Variants in FAM186B observed in about 807,000 individuals in gnomAD.
The protein encoded by FAM186B is family with sequence similarity 186 member B, also known as protein FAM186B.
In FAM186B, 68 loss-of-function variants were observed where a neutral mutation model predicts 83.4. The observed-to-expected ratio is 0.81, with a 90% CI of 0.67 to 1.00. The LOEUF (loss-of-function observed/expected upper bound fraction) is 1.00. FAM186B is among the 50% of genes least tolerant of loss of function. FAM186B has a pLI of 0.00. For missense variants in FAM186B, 983 were observed against 1,099.2 expected, an observed-to-expected ratio of 0.89 and a Z score of 1.49; for synonymous variants, 389 against 422.0, an observed-to-expected ratio of 0.92 and a Z score of 0.96.
intron 1 of FAM186B, among the ~76,000 whole-genome samples, chr12:49,604,907 A>C (rs1004922785): frequency 6.6e-6 from 1 of 152,152 alleles, no homozygotes; most frequent in African/African-American, 2.4e-5. Flanking sequence ...CAGGCAACAG[A>C]AGCTTGGAAA....
intron 5 of FAM186B, among the ~76,000 whole-genome samples, chr12:49,597,929 G>A (rs913188284): frequency 5.3e-5 from 8 of 152,060 alleles, no homozygotes; most frequent in African/African-American, 1.7e-4. Flanking sequence ...GTGTGGTGGT[G>A]GGTACCTATA....
chr12:49,586,186 G>C (rs1351882425), downstream of FAM186B, among the ~76,000 whole-genome samples: 1 of 152,182 alleles, frequency 6.6e-6, no homozygotes, highest in African/African-American at 2.4e-5. Context: ...TGTCTTTGCT[G>C]GGAACAATAT....
chr12:49,619,326 C>T, the FAM186B span: 1 of 345,160 alleles, frequency 2.9e-6, no homozygotes, highest in African/African-American at 2.2e-5. Flanking sequence ...ATTATTCAAG[C>T]AATCACTGTG....
chr12:49,582,912 A>C (rs1401572335), downstream of FAM186B: 2 of 412,580 alleles, frequency 4.8e-6, no homozygotes, highest in African/African-American at 4.1e-5. Context: ...TTGTCTTCCA[A>C]CCCTCTTGGC....
chr12:49,588,341 G>A lies in FAM186B; in HGVS notation c.2534+113C>T, dbSNP rs1196022115. On this transcript the variant is annotated intron_variant, in intron 6 of 6. Transcript: ENST00000257894. ...ACAGGCACTTTGCAACTCGTAGGGTGATATTGGCCTGTTGGTGCCCTCACT... is the reference window on the plus strand; with the variant it reads ...ACAGGCACTTTGCAACTCGTAGGGTAATATTGGCCTGTTGGTGCCCTCACT... 33 of 1,306,494 alleles carry A rather than the reference G, an allele frequency of 2.5e-5. No homozygotes were observed. In the South Asian group the frequency reaches 3.8e-4, roughly 15 times the overall value. 80.9% of individuals were successfully genotyped at this position (1,306,494 alleles called of 1,614,324 possible).
Position 49,598,742 on chromosome 12 carries a change from G to A in FAM186B, c.2364+13C>T, listed in dbSNP as rs371375322. On this transcript the variant is annotated intron_variant, in intron 5 of 6. Coordinates refer to ENST00000257894, the MANE Select transcript of FAM186B (RefSeq NM_032130.3). Reference sequence around the variant, plus strand: ...GAGGCGGAGTGGCGGGGGGGTCAGGGCGGGAGGCCCACCTTGGGGAACATG... The same window carrying A: ...GAGGCGGAGTGGCGGGGGGGTCAGGACGGGAGGCCCACCTTGGGGAACATG... 1.9e-6 allele frequency: 3 copies of A among 1,572,146 alleles called. No homozygotes were observed. Among genetic ancestry groups the A allele is most frequent in the Non-Finnish European group, 2.6e-6 (3 of 1,162,496 alleles).
chr12:49,600,318 T>A lies in FAM186B; in HGVS notation c.1322A>T (p.Asp441Val). The change falls in exon 4 of 7, where the codon GAC (aspartate) becomes GTC (valine). Residue 441 changes from aspartate to valine, a missense_variant. Transcript: ENST00000257894. This position sits in a 1 kb window ranked among gnomAD's most constrained non-coding sequence, Gnocchi z 4.3. ...CTGGAAGTAGTCCTCCTGGTCTTTG[T>A]CTTTGTGGCCTAAGCTTTCTGCCAC... ...RPVAESLGHK[D>V]KDQEDYFQKG... is the part of the protein sequence containing the mutation. 6.2e-7 allele frequency: 1 copy of A among 1,614,168 alleles called. No individual in the cohort carries two copies. Among genetic ancestry groups the A allele is most frequent in the Non-Finnish European group, 8.5e-7 (1 of 1,180,026 alleles).
Position 49,587,540 on chromosome 12 carries a change from A to G in FAM186B, c.*65T>C, listed in dbSNP as rs1395422387. On this transcript the variant is annotated 3_prime_UTR_variant, in exon 7 of 7. Transcript: ENST00000257894. Reference sequence around the variant, plus strand: ...GAGAGAGATTTATTGGGGAGAATCCACATTGACCATCAGCCTCGCACCTTA... The same window carrying G: ...GAGAGAGATTTATTGGGGAGAATCCGCATTGACCATCAGCCTCGCACCTTA... 1 of 1,593,744 alleles carries G rather than the reference A, an allele frequency of 6.3e-7. No individual in the cohort carries two copies.
the FAM186B span, among the ~76,000 whole-genome samples, chr12:49,620,438 G>C: frequency 2.0e-5 from 3 of 152,018 alleles, no homozygotes; most frequent in Admixed American, 2.0e-4. Flanking sequence ...GAGAGGCCAA[G>C]GCAGGTGGAT....
At chr12:49,603,509 C>A in intron 2 of FAM186B, 142 bp from the exon 3 acceptor site, 1 of 748,302 alleles carries the variant, frequency 1.3e-6, no homozygotes, top group Admixed American at 2.7e-5. Context: ...GGGCAAGTCA[C>A]TTATCCCCCT....
chr12:49,600,456 A>G lies in FAM186B; in HGVS notation c.1184T>C (p.Met395Thr). 2 of 1,613,476 alleles carry G rather than the reference A, an allele frequency of 1.2e-6. No homozygotes were observed. Among genetic ancestry groups the G allele is most frequent in the Non-Finnish European group, 1.7e-6 (2 of 1,179,598 alleles). Residue 395 changes from methionine to threonine, a missense_variant, in exon 4 of 7, where the codon ATG becomes ACG. Transcript: ENST00000257894. The surrounding 1 kb of genome is among the most constrained non-coding windows in gnomAD (Gnocchi z 4.3). ...IAAGHQPLST[M>T]TVRSRVADVF... is the part of the protein sequence containing the mutation. The stretch of plus-strand genomic sequence containing the variant: ...ATCTGCGACCCTCGAGCGCACAGTC[A>G]TGGTGGAAAGTGGCTGGTGCCCTGC...
chr12:49,617,861 GA>G, the FAM186B span, among the ~76,000 whole-genome samples: 1 of 152,178 alleles, frequency 6.6e-6, no homozygotes, highest in Non-Finnish European at 1.5e-5. Context: ...TTCAGAAGTG[GA>G]AGCCAGATGG....
At chr12:49,587,476 C>G, downstream of FAM186B, 2 of 1,326,174 alleles carry the variant, frequency 1.5e-6, no homozygotes, top group Non-Finnish European at 2.1e-6. Context: ...CTCTCTCTAT[C>G]TGGTGTGGGA....
At chr12:49,605,158 C>T (rs890449891) in intron 1 of FAM186B, 16 of 1,367,492 alleles carry the variant, frequency 1.2e-5, no homozygotes, top group Middle Eastern at 2.8e-4. Flanking sequence ...GCCCCCTTCC[C>T]GGGCCCCAGC....
chr12:49,589,810 G>A (rs1021830118), intron 5 of FAM186B, among the ~76,000 whole-genome samples: 9 of 151,734 alleles, frequency 5.9e-5, no homozygotes, highest in African/African-American at 1.2e-4. Flanking sequence ...GTGAAACCCC[G>A]TCTCTACTAA....
chr12:49,617,146 C>T, the FAM186B span, among the ~76,000 whole-genome samples: 2 of 152,144 alleles, frequency 1.3e-5, no homozygotes, highest in African/African-American at 2.4e-5. Context: ...GTTTGGTGAT[C>T]GCTAGCCCGG....
chr12:49,607,103 G>T (rs1940039300), upstream of FAM186B, among the ~76,000 whole-genome samples: 1 of 152,040 alleles, frequency 6.6e-6, no homozygotes, highest in African/African-American at 2.4e-5. Flanking sequence ...TCACAATTTT[G>T]AGGATGCTGC....
the FAM186B span, among the ~76,000 whole-genome samples, chr12:49,611,776 T>G: frequency 7.1e-6 from 1 of 141,446 alleles, no homozygotes; most frequent in Non-Finnish European, 1.5e-5. Context: ...GGAGAATCGC[T>G]TGAACCTGGG....
In FAM186B at chr12:49,600,330, A is replaced by G; in HGVS notation, c.1310T>C (p.Leu437Ser). 1.9e-6 allele frequency: 3 copies of G among 1,614,016 alleles called. No individual in the cohort carries two copies. The highest frequency in any genetic ancestry group is 2.5e-6 in the Non-Finnish European group (3 of 1,179,992). The change falls in exon 4 of 7, where the codon TTA becomes TCA. Residue 437 changes from leucine (L) to serine (S), a missense_variant. By Grantham distance (145) the Leu-to-Ser change is moderately radical. Coordinates refer to ENST00000257894, the MANE Select transcript of FAM186B (RefSeq NM_032130.3). This position sits in a 1 kb window ranked among gnomAD's most constrained non-coding sequence, Gnocchi z 4.3. ...KKWERPVAES[L>S]GHKDKDQEDY... ...CTCCTGGTCTTTGTCTTTGTGGCCT[A>G]AGCTTTCTGCCACCGGTCTTTCCCA...
Sources: allele counts gnomAD v4.1 joint callset (sites outside exome capture counted in the v4.1 genomes callset), GRCh38; gene constraint gnomAD v4.1.1; non-coding constraint Gnocchi (gnomAD v3.1); transcripts MANE v1.5; gene names NCBI Gene and HGNC (gene_info 2026-07-23, HGNC 2026-07-21).